TRERF1: variants seen among roughly 807,000 people sequenced by gnomAD.
The protein encoded by TRERF1 is transcriptional regulating factor 1, also known as transcriptional-regulating factor 1.
A neutral mutation model predicts 122.9 loss-of-function variants in TRERF1; 27 were observed. The ratio of observed to expected loss-of-function variants is 0.22; its 90% CI spans 0.16 to 0.30. The LOEUF is 0.30. Ranked by LOEUF, TRERF1 falls within the 10% of genes least tolerant of loss-of-function variation. The probability of loss-of-function intolerance (pLI) is 1.00; values close to 1 mark genes in which losing one functional copy is unlikely to be tolerated. For missense variants in TRERF1, 1,248 were observed against 1,560.3 expected (o/e 0.80, Z 3.37); for synonymous variants, 636 against 641.7 (o/e 0.99, Z 0.13).
chr6:42,257,359 AGAGG>A (rs1582608623), intron 10 of TRERF1, among the ~76,000 whole-genome samples: 1 of 152,276 alleles, frequency 6.6e-6, no homozygotes, highest in East Asian at 1.9e-4. Flanking sequence ...TGTAACTGGG[AGAGG>A]GAGGGTGATT....
rs202048642 is a variant in TRERF1 at position 42,238,835 on chromosome 6, T to TCACACAGA, written c.2860-2425_2860-2424insTCTGTGTG. Among the ~76,000 whole-genome samples, 38 of 143,128 alleles carry TCACACAGA rather than the reference T, an allele frequency of 2.7e-4. 1 individual carries two copies. Among genetic ancestry groups the TCACACAGA allele is most frequent in the Admixed American group, 7.7e-4 (11 of 14,270 alleles). The allele number at this position is 143,128 out of a possible 152,430, so 93.9% of individuals were successfully genotyped here. Reference sequence around the variant, plus strand: ...GAATGCCTGCTGAGAATCATGCATTTCACACACACACACACACACACACAC... The same window carrying TCACACAGA: ...GAATGCCTGCTGAGAATCATGCATTTCACACAGACACACACACACACACACACACACAC... On this transcript the variant is annotated intron_variant, in intron 15 of 17. Transcript: ENST00000372922.
chr6:42,230,359 CA>C lies in TRERF1; in HGVS notation c.3279-1691del, dbSNP rs34587398. ...AAAGTTTCCAAGCAACGTAAGACTC[CA>C]AAAAAAAAAACATTTAATAGATGCT... On this transcript the variant is annotated intron_variant, in intron 17 of 17. Transcript: ENST00000372922. 1.4e-3 allele frequency among the ~76,000 whole-genome samples: 196 copies of C among 140,050 alleles called. 1 individual carries two copies. The highest frequency in any genetic ancestry group is 4.3e-3 in the African/African-American group (163 of 38,038). The allele number at this position is 140,050 out of a possible 152,430, so 91.9% of individuals were successfully genotyped here.
chr6:42,422,438 T>C (rs562786352), intron 2 of TRERF1, among the ~76,000 whole-genome samples: 2 of 142,870 alleles, frequency 1.4e-5, no homozygotes, highest in South Asian at 4.4e-4. Flanking sequence ...GGATCACTTG[T>C]GCCCAGGAGG....
chr6:42,263,700 C>T lies in TRERF1; in HGVS notation c.1636-132G>A, dbSNP rs1329597356. The T allele has an allele frequency of 4.0e-6, 5 of 1,246,684 alleles. No individual in the cohort carries two copies. The highest frequency in any genetic ancestry group is 2.8e-5 in the East Asian group (1 of 35,636). The allele number at this position is 1,246,684 out of a possible 1,614,324, so 77.2% of individuals were successfully genotyped here. On this transcript the variant is annotated intron_variant, in intron 7 of 17. Transcript: ENST00000372922. The surrounding 1 kb of genome is among the most constrained non-coding windows in gnomAD (Gnocchi z 5.6). ...AGAACCGCTGCAGGGCGATTTCCTT[C>T]CTGCAATCCTGAGTCCCTTGGCTGG...
Position 42,275,215 on chromosome 6 carries a change from C to T in TRERF1, c.-258-5367G>A, listed in dbSNP as rs533482610. 1.3e-5 allele frequency among the ~76,000 whole-genome samples: 2 copies of T among 152,194 alleles called. No individual in the cohort carries two copies. The highest frequency in any genetic ancestry group is 2.9e-5 in the Non-Finnish European group (2 of 68,026). ...TATAATACCAACTCAGGATTCAAGT[C>T]TTTATTATTTTTCTAACAAGGTAAC... On this transcript the variant is annotated intron_variant, in intron 4 of 17. Transcript: ENST00000372922. The surrounding 1 kb of genome is among the most constrained non-coding windows in gnomAD (Gnocchi z 4.1).
At chr6:42,262,244 GT>G (rs1443878126) in intron 8 of TRERF1, among the ~76,000 whole-genome samples, 4 of 151,806 alleles carry the variant, frequency 2.6e-5, no homozygotes, top group Non-Finnish European at 5.9e-5. Flanking sequence ...CACCATAAAG[GT>G]TTTTTTCTGT....
intron 4 of TRERF1, among the ~76,000 whole-genome samples, chr6:42,288,460 C>T (rs1319236040): frequency 2.7e-5 from 4 of 150,560 alleles, no homozygotes; most frequent in Non-Finnish European, 5.9e-5. Flanking sequence ...CTCAGCTACT[C>T]GGGAGGCTGA....
intron 2 of TRERF1, among the ~76,000 whole-genome samples, chr6:42,443,090 TG>T (rs2151792468): frequency 6.6e-6 from 1 of 152,346 alleles, no homozygotes; most frequent in African/African-American, 2.4e-5. Flanking sequence ...GATTTTTCGT[TG>T]ATTTCTTCCT....
exon 18 of TRERF1, chr6:42,226,740 G>A (rs963516696): frequency 6.6e-6 from 1 of 152,230 alleles, no homozygotes; most frequent in Non-Finnish European, 1.5e-5. Context: ...AGTCAAAGAC[G>A]TCAGGTCCTA....
chr6:42,243,929 A>G (rs1481781250), intron 14 of TRERF1, among the ~76,000 whole-genome samples: 1 of 135,410 alleles, frequency 7.4e-6, no homozygotes, highest in Non-Finnish European at 1.5e-5. Context: ...CCGAGGCTGG[A>G]GTGCAGTGGC....
chr6:42,440,648 G>A (rs1240975868), intron 2 of TRERF1, among the ~76,000 whole-genome samples: 3 of 152,096 alleles, frequency 2.0e-5, no homozygotes, highest in Admixed American at 6.5e-5. Flanking sequence ...TCCAATCTCT[G>A]ACTCACAATA....
At chr6:42,309,065 T>C (rs1334326168) in intron 3 of TRERF1, among the ~76,000 whole-genome samples, 1 of 152,178 alleles carries the variant, frequency 6.6e-6, no homozygotes, top group African/African-American at 2.4e-5. Context: ...TTAGAGACTT[T>C]AACTCATTAG....
chr6:42,241,557 G>A (rs1773710507), intron 15 of TRERF1, among the ~76,000 whole-genome samples: 1 of 151,954 alleles, frequency 6.6e-6, no homozygotes, highest in Non-Finnish European at 1.5e-5. Context: ...TGCCTCCTGG[G>A]TTCAAGCGAT....
intron 2 of TRERF1, among the ~76,000 whole-genome samples, chr6:42,374,324 A>C (rs1774418537): frequency 1.3e-5 from 2 of 152,074 alleles, no homozygotes; most frequent in African/African-American, 4.8e-5. Flanking sequence ...GATTTAGTTA[A>C]AGTGAGAGCA....
intron 2 of TRERF1, among the ~76,000 whole-genome samples, chr6:42,388,227 T>G (rs1777131878): frequency 6.6e-6 from 1 of 150,676 alleles, no homozygotes; most frequent in Admixed American, 6.6e-5. Context: ...TTTCTTTCTT[T>G]TTTTTTTTTT....
chr6:42,436,815 AT>A (rs59132769), intron 2 of TRERF1, among the ~76,000 whole-genome samples: 6,594 of 62,064 alleles, frequency 0.11, 148 homozygotes, highest in East Asian at 0.19. Context: ...AAAAAAAAAA[AT>A]ATATATATAT....
chr6:42,445,289 C>A (rs535990020), intron 2 of TRERF1, among the ~76,000 whole-genome samples: 1 of 149,476 alleles, frequency 6.7e-6, no homozygotes, highest in African/African-American at 2.5e-5. Flanking sequence ...AAACAAAAAA[C>A]GATGAAACAA....
chr6:42,269,427 G>A lies in TRERF1; in HGVS notation c.164C>T (p.Pro55Leu). The change falls in exon 5 of 18, where the codon CCC becomes CTC. Residue 55 changes from proline (P) to leucine (L), a missense_variant. This residue lies in a region of TRERF1 where 946 missense variants were observed against 1,073.0 expected (regional missense o/e 0.88). Coordinates refer to ENST00000372922, the Ensembl canonical transcript of TRERF1. This position sits in a 1 kb window ranked among gnomAD's most constrained non-coding sequence, Gnocchi z 4.9. ...ATCCCGTGTATCTTGAGGGAAGTGGGGGGAGATTGGCGAGGCCTGAGGGGC... is the reference window on the plus strand; with the variant it reads ...ATCCCGTGTATCTTGAGGGAAGTGGAGGGAGATTGGCGAGGCCTGAGGGGC... The A allele has an allele frequency of 6.2e-7, 1 of 1,614,238 alleles. No homozygotes were observed. Among genetic ancestry groups the A allele is most frequent in the African/African-American group, 1.3e-5 (1 of 75,064 alleles).
chr6:42,434,475 G>A (rs904585113), intron 2 of TRERF1, among the ~76,000 whole-genome samples: 11 of 151,082 alleles, frequency 7.3e-5, no homozygotes, highest in Non-Finnish European at 1.5e-5. Flanking sequence ...CAGAAATGAA[G>A]GAAGCCAGAA....
Sources: allele counts gnomAD v4.1 joint callset (sites outside exome capture counted in the v4.1 genomes callset), GRCh38; gene constraint gnomAD v4.1.1; regional missense constraint gnomAD v4.1.1; non-coding constraint Gnocchi (gnomAD v3.1); transcripts MANE v1.5; gene names NCBI Gene and HGNC (gene_info 2026-07-23, HGNC 2026-07-21).